The following MPP3 variants were observed in gnomAD, a reference collection of about 807,000 sequenced individuals.
The protein encoded by MPP3 is MAGUK p55 subfamily member 3.
MPP3 carries 48 observed loss-of-function variants against 80.7 expected under a neutral mutation model. The ratio of observed to expected loss-of-function variants is 0.59; its 90% CI spans 0.47 to 0.76. The LOEUF is 0.76. Among genes scored for constraint, MPP3 ranks in the 30% least tolerant of loss-of-function variants. MPP3 has a pLI of 0.00. For synonymous variants in MPP3, 311 were observed against 297.6 expected (o/e 1.04, Z -0.46); for missense variants, 620 against 763.0 (o/e 0.81, Z 2.21).
In MPP3 at chr17:43,825,796, G is replaced by A; in HGVS notation, c.569C>T (p.Ala190Val). The change falls in exon 9 of 20, where the codon GCA becomes GTA. Residue 190 changes from alanine to valine, a missense_variant. Physicochemically the swap from Ala to Val is moderately conservative, Grantham distance 64. Transcript: ENST00000398389. ...GDELREVNGI[A>V]VLHKRPDEIS... is the part of the protein sequence containing the mutation. The stretch of plus-strand genomic sequence containing the variant: ...CTCGTCGGGCCGCTTGTGCAGGACT[G>A]CGATCCCGTTCACTTCTCGGAGCTC... 1.2e-6 allele frequency: 2 copies of A among 1,613,512 alleles called. No homozygotes were observed. The highest frequency in any genetic ancestry group is 4.5e-5 in the East Asian group (2 of 44,874).
Position 43,824,012 on chromosome 17 carries a change from C to CTTT in MPP3, c.610-8_610-7insAAA. 6.3e-7 allele frequency: 1 copy of CTTT among 1,597,960 alleles called. No homozygotes were observed. Among genetic ancestry groups the CTTT allele is most frequent in the Non-Finnish European group, 8.5e-7 (1 of 1,170,016 alleles). On this transcript the variant is annotated splice_polypyrimidine_tract_variant and splice_region_variant and intron_variant, in intron 9 of 19. Transcript: ENST00000398389. ...TGGATCCCTGGGACTGGGCCTGAAA[C>CTTT]GAAAGAGAACAGAAGCTTCTCGCCT...
intron 7 of MPP3, among the ~76,000 whole-genome samples, chr17:43,829,065 A>G (rs1218736232): frequency 6.6e-6 from 1 of 152,216 alleles, no homozygotes; most frequent in Non-Finnish European, 1.5e-5. Context: ...AGCATCTCAT[A>G]AACAACGCTG....
At chr17:43,818,374 C>G (rs113473589) in intron 11 of MPP3, among the ~76,000 whole-genome samples, 3 of 152,156 alleles carry the variant, frequency 2.0e-5, no homozygotes, top group African/African-American at 4.8e-5. Context: ...GGATCCAGCC[C>G]GGTGTACAAT....
rs773797880 is a variant in MPP3 at position 43,820,937 on chromosome 17, G to A, written c.806C>T (p.Thr269Met). The A allele has an allele frequency of 9.3e-6, 15 of 1,614,074 alleles. No homozygotes were observed. The highest frequency in any genetic ancestry group is 1.6e-4 in the Middle Eastern group (1 of 6,062). ...CCCGACTCGCTTGGCCTGCCACCAC[G>A]TGGGGTCGTCCTGGCTCACCACCTC... ...VLEVVSQDDP[T>M]WWQAKRVGDT... is the part of the protein sequence containing the mutation. Residue 269 changes from threonine (T) to methionine (M), a missense_variant, in exon 11 of 20, where the codon ACG (threonine) becomes ATG (methionine). Coordinates refer to ENST00000398389, the MANE Select transcript of MPP3 (RefSeq NM_001932.6).
chr17:43,830,015 C>G lies in MPP3; in HGVS notation c.303+12G>C, dbSNP rs758984196. Reference sequence around the variant, plus strand: ...CCAGAGGCATGGCTGGGCAGGGGCTCTGTGTGACTACCCTCAGGTGCGGGG... The same window carrying G: ...CCAGAGGCATGGCTGGGCAGGGGCTGTGTGTGACTACCCTCAGGTGCGGGG... On this transcript the variant is annotated intron_variant, in intron 6 of 19. Coordinates refer to ENST00000398389, the MANE Select transcript of MPP3 (RefSeq NM_001932.6). 101 of 1,606,536 alleles carry G rather than the reference C, an allele frequency of 6.3e-5. No individual in the cohort carries two copies. In the East Asian group the frequency reaches 1.5e-3, roughly 23 times the overall value.
In MPP3 at chr17:43,813,991, T is replaced by C. The variant is rs774663548; in HGVS notation, c.1255+20A>G. 7 of 1,590,602 alleles carry C rather than the reference T, an allele frequency of 4.4e-6. No individual in the cohort carries two copies. Among genetic ancestry groups the C allele is most frequent in the Non-Finnish European group, 6.0e-6 (7 of 1,162,758 alleles). On this transcript the variant is annotated intron_variant, in intron 16 of 19. Coordinates refer to ENST00000398389, the MANE Select transcript of MPP3 (RefSeq NM_001932.6). ...TGTGTGTGTGCAGACAAACACACAC[T>C]CCCACATGGGCCCTCTTACGTGGAA...
At chr17:43,817,607 C>T (rs2045208819) in intron 12 of MPP3, among the ~76,000 whole-genome samples, 1 of 152,162 alleles carries the variant, frequency 6.6e-6, no homozygotes, top group African/African-American at 2.4e-5. Context: ...ACTGGGCATC[C>T]TTTATTTGTA....
At chr17:43,829,586 C>T (rs1201472294) in intron 7 of MPP3, 68 bp downstream of exon 7, 2 of 1,574,668 alleles carry the variant, frequency 1.3e-6, no homozygotes, top group Non-Finnish European at 1.7e-6. Context: ...GGATCTTGTC[C>T]AGTGTTCTGG....
Position 43,831,882 on chromosome 17 carries a change from C to A in MPP3, c.25G>T (p.Gly9Cys). The change falls in exon 3 of 20, where the codon GGT becomes TGT. Residue 9 changes from glycine to cysteine, a missense_variant and splice_region_variant. Gly to Cys is a radical substitution (Grantham distance 159). Transcript: ENST00000398389. ...GGTCCAGCCGGGGGGAGGTACTTAC[C>A]AGAGTCCTCCGATAGCACTGGCATG... MPVLSEDS[G>C]LHETLALLTS... is the part of the protein sequence containing the mutation. The A allele has an allele frequency of 6.2e-7, 1 of 1,609,272 alleles. No individual in the cohort carries two copies. Among genetic ancestry groups the A allele is most frequent in the Non-Finnish European group, 8.5e-7 (1 of 1,178,372 alleles).
chr17:43,821,647 A>G (rs2045468857), intron 10 of MPP3, among the ~76,000 whole-genome samples: 1 of 152,156 alleles, frequency 6.6e-6, no homozygotes, highest in Non-Finnish European at 1.5e-5. Context: ...CCTCTGCTCT[A>G]GAGTCACCCT....
Position 43,831,881 on chromosome 17 carries a change from C to A in MPP3, c.25+1G>T. On this transcript the variant is annotated splice_donor_variant, in intron 3 of 19. Coordinates refer to ENST00000398389, the MANE Select transcript of MPP3 (RefSeq NM_001932.6). LOFTEE classifies it high-confidence loss of function. Reference sequence around the variant, plus strand: ...AGGTCCAGCCGGGGGGAGGTACTTACCAGAGTCCTCCGATAGCACTGGCAT... The same window carrying A: ...AGGTCCAGCCGGGGGGAGGTACTTAACAGAGTCCTCCGATAGCACTGGCAT... The A allele has an allele frequency of 1.9e-6, 3 of 1,609,124 alleles. No homozygotes were observed. The highest frequency in any genetic ancestry group is 2.5e-6 in the Non-Finnish European group (3 of 1,178,366).
chr17:43,829,894 A>T (rs548913236), intron 6 of MPP3, 103 bp from the exon 7 acceptor site: 1 of 1,571,404 alleles, frequency 6.4e-7, no homozygotes, highest in Non-Finnish European at 8.7e-7. Context: ...CATGCCAGAG[A>T]GACAACTGCC....
rs1429034987 is a variant in MPP3, at chr17:43,801,707, G to C, written c.1752C>G (p.Val584=). The change falls in exon 20 of 20, where the codon GTC becomes GTG. Residue 584 remains valine, a synonymous_variant. Transcript: ENST00000398389. ...KDTHWVPVSW[V]R ...TGGATGTTCTGGGATAAAGTTACCT[G>C]ACCCAACTAACAGGTACCCAGTGAG... 6.2e-7 allele frequency: 1 copy of C among 1,613,882 alleles called. No homozygotes were observed. Among genetic ancestry groups the C allele is most frequent in the East Asian group, 2.2e-5 (1 of 44,892 alleles).
chr17:43,828,776 C>G (rs890067463), intron 7 of MPP3, among the ~76,000 whole-genome samples: 1 of 152,198 alleles, frequency 6.6e-6, no homozygotes. Flanking sequence ...TCTAGCCCCC[C>G]AGAACTGAGA....
At chr17:43,816,756 C>A (rs576795549) in intron 12 of MPP3, 59 bp from the exon 13 acceptor site, 5 of 1,529,304 alleles carry the variant, frequency 3.3e-6, no homozygotes, top group Middle Eastern at 1.7e-4. Context: ...GGGGACCCTG[C>A]GGCTGAGGGC....
chr17:43,806,649 G>A (rs949048649), intron 19 of MPP3, among the ~76,000 whole-genome samples: 1 of 151,952 alleles, frequency 6.6e-6, no homozygotes, highest in Non-Finnish European at 1.5e-5. Flanking sequence ...TGCTCTTGCT[G>A]CCCAGGCTAT....
chr17:43,825,688 C>A, intron 9 of MPP3, 68 bp downstream of exon 9: 1 of 1,089,962 alleles, frequency 9.2e-7, no homozygotes, highest in Non-Finnish European at 1.4e-6. Context: ...TCTGTCCTGG[C>A]TCCAGGAAGT....
At chr17:43,832,289 G>C (rs1169514115) in intron 2 of MPP3, 2 of 305,336 alleles carry the variant, frequency 6.6e-6, no homozygotes, top group African/African-American at 4.6e-5. Flanking sequence ...GGCTCTTCCA[G>C]GCTGGCCTTG....
Position 43,825,795 on chromosome 17 carries a change from T to C in MPP3, c.570A>G (p.Ala190=), listed in dbSNP as rs1475856244. 1.2e-6 allele frequency: 2 copies of C among 1,613,560 alleles called. No individual in the cohort carries two copies. Among genetic ancestry groups the C allele is most frequent in the Non-Finnish European group, 1.7e-6 (2 of 1,179,470 alleles). Residue 190 remains alanine, a synonymous_variant, in exon 9 of 20, where the codon GCA becomes GCG. Coordinates refer to ENST00000398389, the MANE Select transcript of MPP3 (RefSeq NM_001932.6). ...TCTCGTCGGGCCGCTTGTGCAGGACTGCGATCCCGTTCACTTCTCGGAGCT... is the reference window on the plus strand; with the variant it reads ...TCTCGTCGGGCCGCTTGTGCAGGACCGCGATCCCGTTCACTTCTCGGAGCT... ...GDELREVNGI[A]VLHKRPDEIS...
Sources: allele counts gnomAD v4.1 joint callset (sites outside exome capture counted in the v4.1 genomes callset), GRCh38; gene constraint gnomAD v4.1.1; transcripts MANE v1.5; gene names NCBI Gene and HGNC (gene_info 2026-07-23, HGNC 2026-07-21).